The following ZFHX4 variants were observed in gnomAD, a reference collection of about 807,000 sequenced individuals.
ZFHX4 encodes zinc finger homeobox 4.
In ZFHX4, 56 loss-of-function variants were observed where a neutral mutation model predicts 267.6. The observed-to-expected ratio is 0.21, with a 90% CI of 0.17 to 0.26. The LOEUF (loss-of-function observed/expected upper bound fraction) is 0.26, where lower values mean the gene tolerates loss of function less well. Ranked by LOEUF, ZFHX4 falls within the 10% of genes least tolerant of loss-of-function variation. The pLI is 1.00. For missense variants in ZFHX4, 4,332 were observed against 4,420.0 expected (o/e 0.98, Z 0.56); for synonymous variants, 1,778 against 1,665.6 (o/e 1.07, Z -1.64).
intron 3 of ZFHX4, among the ~76,000 whole-genome samples, chr8:76,755,768 T>C (rs1017927489): frequency 2.6e-5 from 4 of 152,174 alleles, no homozygotes; most frequent in African/African-American, 9.6e-5. Flanking sequence ...AACAGAGCCT[T>C]TGCGACTTCT....
rs765308203 is a variant in ZFHX4, at chr8:76,863,235, C to T, written c.9521C>T (p.Ser3174Leu). Residue 3174 changes from serine (S) to leucine (L), a missense_variant, in exon 11 of 11, where the codon TCA becomes TTA. Ser to Leu is a moderately radical substitution (Grantham distance 145). Around this residue, in one of 7 missense-constraint regions of ZFHX4, gnomAD observed 1,648 missense variants for 1,625.0 expected, o/e 1.01. Coordinates refer to ENST00000651372, the MANE Select transcript of ZFHX4 (RefSeq NM_024721.5). ...CCACCTCCTCCTCCTCCTCCTCCTT[C>T]ATCCTCTCTGTCAGGACAGCAGACC... The part of the protein sequence containing the change: ...PPPPPPPPPP[S>L]SSLSGQQTEQ... 6 of 1,592,694 alleles carry T rather than the reference C, an allele frequency of 3.8e-6. No homozygotes were observed. In the East Asian group the frequency reaches 1.1e-4, roughly 30 times the overall value.
intron 3 of ZFHX4, among the ~76,000 whole-genome samples, chr8:76,763,797 C>T (rs2131735066): frequency 6.6e-6 from 1 of 152,106 alleles, no homozygotes; most frequent in African/African-American, 2.4e-5. Context: ...AACATATAAG[C>T]TGCTTAAAAT....
At position 76,851,984 on chromosome 8, in the gene ZFHX4, C is replaced by T; in HGVS notation, c.5063C>T (p.Pro1688Leu). ...LISAQPAHHP[P>L]QSPAQIQMQL... ...TCTGCTCAACCTGCACATCACCCAC[C>T]ACAGTCACCAGCACAAATTCAGATG... The change falls in exon 10 of 11, where the codon CCA becomes CTA. Residue 1688 changes from proline (P) to leucine (L), a missense_variant. Physicochemically the swap from Pro to Leu is moderately conservative, Grantham distance 98. Around this residue, in one of 7 missense-constraint regions of ZFHX4, gnomAD observed 1,371 missense variants for 1,423.1 expected, o/e 0.96. Coordinates refer to ENST00000651372, the MANE Select transcript of ZFHX4 (RefSeq NM_024721.5). The T allele has an allele frequency of 6.2e-7, 1 of 1,613,996 alleles. No homozygotes were observed. The highest frequency in any genetic ancestry group is 8.5e-7 in the Non-Finnish European group (1 of 1,179,866).
chr8:76,737,201 G>A (rs1809186305), intron 3 of ZFHX4, among the ~76,000 whole-genome samples: 1 of 152,096 alleles, frequency 6.6e-6, no homozygotes, highest in Non-Finnish European at 1.5e-5. Flanking sequence ...TGAGTACTAT[G>A]AGTAAATTTA....
intron 4 of ZFHX4, among the ~76,000 whole-genome samples, chr8:76,829,394 G>C (rs1455805388): frequency 6.6e-6 from 1 of 152,066 alleles, no homozygotes; most frequent in Non-Finnish European, 1.5e-5. Flanking sequence ...TGCTTGTACA[G>C]GGAAGGAAAA....
At chr8:76,776,977 T>G (rs967709012) in intron 3 of ZFHX4, among the ~76,000 whole-genome samples, 1 of 152,240 alleles carries the variant, frequency 6.6e-6, no homozygotes, top group East Asian at 1.9e-4. Flanking sequence ...TATATAAAGG[T>G]TTTCTTTTTG....
At chr8:76,850,842 G>C in intron 9 of ZFHX4, 44 bp from the exon 10 acceptor site, 2 of 1,458,228 alleles carry the variant, frequency 1.4e-6, no homozygotes, top group Non-Finnish European at 1.8e-6. Flanking sequence ...TTAAGGAGTA[G>C]GTTTTCTTAT....
intron 3 of ZFHX4, among the ~76,000 whole-genome samples, chr8:76,710,409 T>C (rs1808393201): frequency 6.6e-6 from 1 of 152,208 alleles, no homozygotes; most frequent in African/African-American, 2.4e-5. Context: ...GCAAGCTTGG[T>C]TGGCTTGTGT....
intron 3 of ZFHX4, among the ~76,000 whole-genome samples, chr8:76,746,880 A>G (rs1035049749): frequency 2.0e-5 from 3 of 152,186 alleles, no homozygotes; most frequent in African/African-American, 7.2e-5. Context: ...GAGCCATTTT[A>G]CTACATGGCC....
At chr8:76,838,660 G>A (rs950051443) in intron 5 of ZFHX4, among the ~76,000 whole-genome samples, 21 of 152,132 alleles carry the variant, frequency 1.4e-4, no homozygotes, top group Admixed American at 6.5e-5. Context: ...AAGTTACTGT[G>A]TTTCCTCTTT....
chr8:76,681,502 T>A lies in ZFHX4; in HGVS notation c.-165T>A. The A allele has an allele frequency of 2.5e-6, 1 of 396,950 alleles. No homozygotes were observed. The highest frequency in any genetic ancestry group is 4.4e-6 in the Non-Finnish European group (1 of 225,128). The allele number at this position is 396,950 out of a possible 1,614,324, so 24.6% of individuals were successfully genotyped here. ...AATAAAGTTCGAGGATTATTTTTTA[T>A]TTTTTTTGTTTTTTTAATGAACCCT... On this transcript the variant is annotated 5_prime_UTR_variant, in exon 1 of 11. Coordinates refer to ENST00000651372, the MANE Select transcript of ZFHX4 (RefSeq NM_024721.5).
chr8:76,746,376 C>A (rs1023208755), intron 3 of ZFHX4, among the ~76,000 whole-genome samples: 1 of 152,118 alleles, frequency 6.6e-6, no homozygotes, highest in African/African-American at 2.4e-5. Context: ...TGACTGTACT[C>A]CAGCCTGGGT....
In ZFHX4 at chr8:76,864,351, C is replaced by T. The variant is rs373601152; in HGVS notation, c.10637C>T (p.Pro3546Leu). Residue 3546 changes from proline to leucine, a missense_variant, in exon 11 of 11, where the codon CCT (proline) becomes CTT (leucine). Physicochemically the swap from Pro to Leu is moderately conservative, Grantham distance 98 (BLOSUM62 -3). This residue lies in a region of ZFHX4 where 1,648 missense variants were observed against 1,625.0 expected (regional missense o/e 1.01). Coordinates refer to ENST00000651372, the MANE Select transcript of ZFHX4 (RefSeq NM_024721.5). ...GCTGCTTCTCCCCCTTCTTCTCCTC[C>T]TTCCCTTTCCTTGCCTTCAACGGTT... is the stretch of plus-strand genomic sequence containing the variant. ...RRAASPPSSP[P>L]SLSLPSTVTS... is the part of the protein sequence containing the mutation. 12 of 1,613,736 alleles carry T rather than the reference C, an allele frequency of 7.4e-6. No individual in the cohort carries two copies. In the African/African-American group the frequency reaches 8.0e-5, roughly 11 times the overall value.
chr8:76,725,943 A>G (rs1341879124), intron 3 of ZFHX4, among the ~76,000 whole-genome samples: 1 of 152,124 alleles, frequency 6.6e-6, no homozygotes, highest in Non-Finnish European at 1.5e-5. Context: ...GCATTAATAG[A>G]TTTGTGTTGC....
intron 3 of ZFHX4, among the ~76,000 whole-genome samples, chr8:76,745,016 A>G (rs1809422549): frequency 6.6e-6 from 1 of 152,146 alleles, no homozygotes; most frequent in Non-Finnish European, 1.5e-5. Context: ...TCCACTCCAC[A>G]ATGCTGGGCC....
In ZFHX4 at chr8:76,705,298, G is replaced by C; in HGVS notation, c.1210G>C (p.Ala404Pro). Residue 404 changes from alanine to proline, a missense_variant, in exon 2 of 11, where the codon GCT (alanine) becomes CCT (proline). This residue lies in a region of ZFHX4 where 1,195 missense variants were observed against 1,173.6 expected (regional missense o/e 1.02). Transcript: ENST00000651372. ...QPLGITQMPK[A>P]EVNLGGLSSL... ...GCTGGGGATTACCCAAATGCCAAAG[G>C]CTGAAGTGAATCTGGGGGGGCTGTC... 2.5e-6 allele frequency: 4 copies of C among 1,614,018 alleles called. No individual in the cohort carries two copies. The highest frequency in any genetic ancestry group is 3.4e-6 in the Non-Finnish European group (4 of 1,179,906).
chr8:76,854,312 C>G lies in ZFHX4; in HGVS notation c.7391C>G (p.Ser2464Trp). 6.2e-7 allele frequency: 1 copy of G among 1,612,628 alleles called. No homozygotes were observed. The highest frequency in any genetic ancestry group is 1.1e-5 in the South Asian group (1 of 90,954). Residue 2464 changes from serine to tryptophan, a missense_variant, in exon 10 of 11, where the codon TCG becomes TGG. Coordinates refer to ENST00000651372, the MANE Select transcript of ZFHX4 (RefSeq NM_024721.5). ...KQPQLIGRPPSASQTPVPSSP... is the reference protein window; with the variant it reads ...KQPQLIGRPPWASQTPVPSSP... ...CCCCAACTTATCGGAAGACCTCCCT[C>G]GGCCTCTCAAACACCGGTCCCTTCC...
intron 3 of ZFHX4, among the ~76,000 whole-genome samples, chr8:76,771,632 T>A (rs7822817): frequency 6.6e-6 from 1 of 151,890 alleles, no homozygotes; most frequent in African/African-American, 2.4e-5. Context: ...AAGAGATGGG[T>A]TCTCACTTTC....
intron 4 of ZFHX4, among the ~76,000 whole-genome samples, chr8:76,820,378 T>C (rs1346803594): frequency 6.6e-6 from 1 of 152,228 alleles, no homozygotes; most frequent in African/African-American, 2.4e-5. Context: ...GCTGTTATCA[T>C]GTATTGTAAT....
Sources: allele counts gnomAD v4.1 joint callset (sites outside exome capture counted in the v4.1 genomes callset), GRCh38; gene constraint gnomAD v4.1.1; regional missense constraint gnomAD v4.1.1; transcripts MANE v1.5; gene names NCBI Gene and HGNC (gene_info 2026-07-23, HGNC 2026-07-21).